The following MERTK variants were observed in gnomAD, a reference collection of about 807,000 sequenced individuals.
MERTK encodes the protein tyrosine-protein kinase Mer.
A neutral mutation model predicts 99.3 loss-of-function variants in MERTK; 69 were observed. The observed-to-expected ratio is 0.70, with a 90% CI of 0.57 to 0.85. MERTK has a LOEUF of 0.85. Ranked by LOEUF, MERTK falls within the 40% of genes least tolerant of loss-of-function variation. The pLI is 0.00. For missense variants in MERTK, 1,125 were observed against 1,249.4 expected, an observed-to-expected ratio of 0.90 and a Z score of 1.50; for synonymous variants, 426 against 467.6, an observed-to-expected ratio of 0.91 and a Z score of 1.15.
chr2:111,954,470 G>A (rs1341459047), intron 4 of MERTK, among the ~76,000 whole-genome samples: 1 of 152,150 alleles, frequency 6.6e-6, no homozygotes, highest in Non-Finnish European at 1.5e-5. Flanking sequence ...TATTATGTAT[G>A]ATTTATTAGT....
chr2:111,948,932 C>T (rs1685007869), intron 4 of MERTK, among the ~76,000 whole-genome samples: 1 of 151,998 alleles, frequency 6.6e-6, no homozygotes, highest in East Asian at 1.9e-4. Context: ...CTAGCTCCTT[C>T]CTATCTATCC....
intron 6 of MERTK, among the ~76,000 whole-genome samples, chr2:111,970,838 T>TCTC (rs1346903731): frequency 8.1e-6 from 1 of 123,802 alleles, no homozygotes; most frequent in African/African-American, 3.1e-5. Flanking sequence ...CCCTCCTCCT[T>TCTC]CTCCTCCTTC....
At chr2:111,978,261 TGCCTCA>T (rs1253573071) in intron 7 of MERTK, among the ~76,000 whole-genome samples, 1 of 151,986 alleles carries the variant, frequency 6.6e-6, no homozygotes, top group Admixed American at 6.6e-5. Flanking sequence ...GCAATTCTCC[TGCCTCA>T]GCCTCCTGAG....
chr2:111,977,787 A>G (rs375182054), intron 7 of MERTK, among the ~76,000 whole-genome samples: 9 of 152,126 alleles, frequency 5.9e-5, no homozygotes, highest in African/African-American at 1.7e-4. Context: ...TTCTGTTGCT[A>G]TGTCTTCAAT....
intron 3 of MERTK, among the ~76,000 whole-genome samples, chr2:111,945,894 G>A (rs1489300382): frequency 1.3e-5 from 2 of 152,228 alleles, no homozygotes; most frequent in Admixed American, 1.3e-4. Flanking sequence ...GCCCCTCTTA[G>A]CAGAGCCATT....
intron 13 of MERTK, among the ~76,000 whole-genome samples, chr2:112,004,263 T>C (rs1471022711): frequency 1.3e-5 from 2 of 152,160 alleles, no homozygotes; most frequent in African/African-American, 4.8e-5. Context: ...CTGTCTCTCT[T>C]TCTCTCACTC....
intron 15 of MERTK, among the ~76,000 whole-genome samples, chr2:112,018,378 A>G (rs1274122081): frequency 3.9e-5 from 6 of 152,214 alleles, no homozygotes; most frequent in Non-Finnish European, 8.8e-5. Context: ...GGAAATCAGT[A>G]TCTAGAAAAC....
At chr2:111,937,830 T>C (rs72938451) in intron 2 of MERTK, among the ~76,000 whole-genome samples, 6,799 of 152,280 alleles carry the variant, frequency 0.045, 519 homozygotes, top group African/African-American at 0.15. Flanking sequence ...GTCGGCACCA[T>C]GTGAACGGTG....
intron 1 of MERTK, among the ~76,000 whole-genome samples, chr2:111,912,037 C>T (rs2104667224): frequency 6.6e-6 from 1 of 152,004 alleles, no homozygotes; most frequent in Non-Finnish European, 1.5e-5. Context: ...GAGTCTCACG[C>T]TGTCACCCCG....
intron 6 of MERTK, among the ~76,000 whole-genome samples, chr2:111,972,279 G>A (rs1303993286): frequency 1.3e-5 from 2 of 152,162 alleles, no homozygotes; most frequent in Admixed American, 6.5e-5. Flanking sequence ...CATAACTGAA[G>A]CATGGGCCAG....
At chr2:111,967,538 C>T (rs1431138593) in intron 5 of MERTK, among the ~76,000 whole-genome samples, 1 of 152,132 alleles carries the variant, frequency 6.6e-6, no homozygotes, top group Non-Finnish European at 1.5e-5. Context: ...TTCGAGGACA[C>T]ACACCCCTTC....
chr2:112,028,002 A>G (rs1573653502), intron 18 of MERTK, among the ~76,000 whole-genome samples: 1 of 152,358 alleles, frequency 6.6e-6, no homozygotes, highest in East Asian at 1.9e-4. Flanking sequence ...CTGTGTTCCA[A>G]TAAAACTTTA....
intron 1 of MERTK, among the ~76,000 whole-genome samples, chr2:111,912,749 GC>G (rs1365819625): frequency 2.0e-5 from 3 of 152,076 alleles, no homozygotes; most frequent in Admixed American, 6.6e-5. Flanking sequence ...CGCCACTCAT[GC>G]TTATCATTCA....
chr2:111,979,713 A>C (rs1676327555), intron 7 of MERTK, among the ~76,000 whole-genome samples: 1 of 151,786 alleles, frequency 6.6e-6, no homozygotes, highest in East Asian at 1.9e-4. Flanking sequence ...CTTCTATTAA[A>C]TGTTTTATTT....
intron 1 of MERTK, among the ~76,000 whole-genome samples, chr2:111,922,428 T>C (rs1050241933): frequency 1.3e-5 from 2 of 152,178 alleles, no homozygotes; most frequent in African/African-American, 4.8e-5. Context: ...CCAAGCCCGA[T>C]GTATATTTTT....
In MERTK at chr2:111,970,375, T is replaced by G. The variant is rs536358775; in HGVS notation, c.960+2123T>G. On this transcript the variant is annotated intron_variant, in intron 6 of 18. Coordinates refer to ENST00000295408, the MANE Select transcript of MERTK (RefSeq NM_006343.3). ...TTTCACCATGTTGACCAGGCTGTTC[T>G]CAAACTCCTGACCTCAAGTGATCCA... Among the ~76,000 whole-genome samples the G allele has an allele frequency of 4.6e-5, 7 of 152,040 alleles. No homozygotes were observed. In the East Asian group the frequency reaches 1.4e-3, roughly 30 times the overall value.
At chr2:112,002,170 T>C (rs927573406) in intron 11 of MERTK, among the ~76,000 whole-genome samples, 1 of 152,098 alleles carries the variant, frequency 6.6e-6, no homozygotes, top group South Asian at 2.1e-4. Context: ...TTCTGGTTAA[T>C]TTCTCTTGTT....
chr2:111,919,919 C>T (rs1684423198), intron 1 of MERTK, among the ~76,000 whole-genome samples: 1 of 151,494 alleles, frequency 6.6e-6, no homozygotes, highest in Admixed American at 6.6e-5. Flanking sequence ...CTTCATGCTG[C>T]AAGCCTTGGT....
At chr2:111,925,491 C>T (rs1008886188) in intron 1 of MERTK, among the ~76,000 whole-genome samples, 4 of 150,318 alleles carry the variant, frequency 2.7e-5, no homozygotes, top group African/African-American at 4.9e-5. Flanking sequence ...TTAGTAGAGA[C>T]GGGGTTTCAC....
Sources: allele counts gnomAD v4.1 joint callset (sites outside exome capture counted in the v4.1 genomes callset), GRCh38; gene constraint gnomAD v4.1.1; transcripts MANE v1.5; gene names NCBI Gene and HGNC (gene_info 2026-07-23, HGNC 2026-07-21).